Variants in TENM2 observed in about 807,000 individuals in gnomAD.
The protein encoded by TENM2 is teneurin-2.
TENM2 carries 52 observed loss-of-function variants against 245.2 expected under a neutral mutation model. That is an observed-to-expected ratio of 0.21 (90% CI 0.17 to 0.27). The LOEUF is 0.27. Ranked by LOEUF, TENM2 falls within the 10% of genes least tolerant of loss-of-function variation. The pLI is 1.00. For synonymous variants in TENM2, 1,363 were observed against 1,438.9 expected, an observed-to-expected ratio of 0.95 and a Z score of 1.19; for missense variants, 3,046 against 3,666.8, an observed-to-expected ratio of 0.83 and a Z score of 4.37.
At chr5:167,504,503 A>G (rs1769417028) in intron 2 of TENM2, among the ~76,000 whole-genome samples, 3 of 152,182 alleles carry the variant, frequency 2.0e-5, no homozygotes, top group Admixed American at 2.0e-4. Context: ...AATACTTCAC[A>G]ATGTTGATTT....
chr5:167,991,062 G>C (rs897181096), intron 4 of TENM2, among the ~76,000 whole-genome samples: 1 of 152,132 alleles, frequency 6.6e-6, no homozygotes, highest in African/African-American at 2.4e-5. Flanking sequence ...AACTCCCAGC[G>C]TCAGTTTTCT....
intron 5 of TENM2, among the ~76,000 whole-genome samples, chr5:168,046,327 T>G (rs1788603632): frequency 6.6e-6 from 1 of 152,164 alleles, no homozygotes; most frequent in Non-Finnish European, 1.5e-5. Flanking sequence ...TCTCCTGCGG[T>G]GGTAGGAATG....
the TENM2 span, among the ~76,000 whole-genome samples, chr5:167,251,246 T>C: frequency 1.2e-4 from 19 of 152,090 alleles, no homozygotes; most frequent in African/African-American, 4.6e-4. Context: ...GTAATTGCAG[T>C]TGCTTTCAGC....
intron 1 of TENM2, among the ~76,000 whole-genome samples, chr5:167,325,825 G>T (rs1002864504): frequency 2.0e-5 from 3 of 152,142 alleles, no homozygotes; most frequent in Non-Finnish European, 4.4e-5. Context: ...CATCTGTTCT[G>T]CCCTGAACTT....
chr5:168,175,162 C>T (rs559777237), intron 13 of TENM2, among the ~76,000 whole-genome samples: 92 of 152,310 alleles, frequency 6.0e-4, no homozygotes, highest in Admixed American at 1.4e-3. Flanking sequence ...ACAATGATAT[C>T]AACTTCATTG....
chr5:168,006,390 T>A (rs1784822086), intron 5 of TENM2, among the ~76,000 whole-genome samples: 1 of 152,216 alleles, frequency 6.6e-6, no homozygotes, highest in African/African-American at 2.4e-5. Flanking sequence ...GTTTTCCACA[T>A]GTGCATATAG....
intron 27 of TENM2, among the ~76,000 whole-genome samples, chr5:168,250,688 G>A (rs759021242): frequency 4.6e-5 from 7 of 152,112 alleles, no homozygotes; most frequent in Non-Finnish European, 8.8e-5. Context: ...GGGACCTTTC[G>A]GACCCGGAAG....
intron 2 of TENM2, among the ~76,000 whole-genome samples, chr5:167,455,848 G>A (rs1204592804): frequency 6.6e-6 from 1 of 152,060 alleles, no homozygotes; most frequent in African/African-American, 2.4e-5. Context: ...GCTGCACCTT[G>A]ACCTCCAACA....
chr5:167,791,140 G>A (rs1361884702), intron 2 of TENM2, among the ~76,000 whole-genome samples: 3 of 151,988 alleles, frequency 2.0e-5, no homozygotes, highest in Non-Finnish European at 2.9e-5. Context: ...AATATTCTTA[G>A]AATTTATCTA....
chr5:168,127,114 G>A, intron 12 of TENM2, 148 bp downstream of exon 14: 1 of 710,258 alleles, frequency 1.4e-6, no homozygotes, highest in Non-Finnish European at 2.4e-6. Context: ...GAAAAATGAG[G>A]TCCCTAATTG....
chr5:168,119,030 G>A (rs969297447), intron 10 of TENM2, among the ~76,000 whole-genome samples: 4 of 152,174 alleles, frequency 2.6e-5, no homozygotes, highest in Non-Finnish European at 4.4e-5. Flanking sequence ...GTGTATGTCT[G>A]TGTAAATATT....
the TENM2 span, among the ~76,000 whole-genome samples, chr5:167,175,159 G>A: frequency 1.3e-5 from 2 of 152,028 alleles, no homozygotes; most frequent in Admixed American, 6.6e-5. Flanking sequence ...CATCCCTATT[G>A]GGTGCTGTTT....
chr5:167,672,824 A>G (rs919919109), intron 2 of TENM2, among the ~76,000 whole-genome samples: 1 of 151,868 alleles, frequency 6.6e-6, no homozygotes, highest in African/African-American at 2.4e-5. Flanking sequence ...GTGACAAATC[A>G]TTCCAACAGA....
intron 1 of TENM2, among the ~76,000 whole-genome samples, chr5:167,337,214 T>C (rs1169525444): frequency 3.3e-5 from 5 of 150,958 alleles, no homozygotes; most frequent in East Asian, 1.9e-4. Context: ...CAATTTGTAG[T>C]GTACGTAAGA....
chr5:167,920,019 A>T (rs552485021), intron 3 of TENM2, among the ~76,000 whole-genome samples: 37 of 152,224 alleles, frequency 2.4e-4, no homozygotes, highest in Non-Finnish European at 1.5e-5. Flanking sequence ...GTGCCTGAGG[A>T]TTGTTCTGGG....
intron 5 of TENM2, among the ~76,000 whole-genome samples, chr5:168,032,311 T>G (rs973017826): frequency 5.3e-5 from 8 of 152,220 alleles, no homozygotes; most frequent in African/African-American, 1.9e-4. Context: ...TAGCTATGAT[T>G]CTTACTGAAA....
the TENM2 span, among the ~76,000 whole-genome samples, chr5:167,019,774 A>C: frequency 6.6e-6 from 1 of 151,946 alleles, no homozygotes; most frequent in Non-Finnish European, 1.5e-5. Flanking sequence ...CCAGCCAACA[A>C]GTTTTAAAAA....
chr5:167,517,848 G>C (rs1011023430), intron 2 of TENM2, among the ~76,000 whole-genome samples: 4 of 151,104 alleles, frequency 2.6e-5, no homozygotes, highest in African/African-American at 9.7e-5. Context: ...TGGTGATGAG[G>C]GGGGTTGATG....
At chr5:167,809,937 C>T (rs889262579) in intron 2 of TENM2, among the ~76,000 whole-genome samples, 1 of 152,106 alleles carries the variant, frequency 6.6e-6, no homozygotes, top group African/African-American at 2.4e-5. Flanking sequence ...CAGGTCCTTG[C>T]TCCAGTCAAT....
Sources: allele counts gnomAD v4.1 joint callset (sites outside exome capture counted in the v4.1 genomes callset), GRCh38; gene constraint gnomAD v4.1.1; transcripts MANE v1.5; gene names NCBI Gene and HGNC (gene_info 2026-07-23, HGNC 2026-07-21).